CUL1: variants seen among roughly 807,000 people sequenced by gnomAD.
CUL1 encodes the protein cullin 1, also known as cullin-1.
In CUL1, 24 loss-of-function variants were observed where a neutral mutation model predicts 118.0. That is an observed-to-expected ratio of 0.20 (90% confidence interval 0.15 to 0.29). The LOEUF (loss-of-function observed/expected upper bound fraction) is 0.29. CUL1 is among the 10% of genes least tolerant of loss of function. The pLI, the probability that CUL1 is intolerant of heterozygous loss-of-function variation, is 1.00. For missense variants in CUL1, 361 were observed against 933.8 expected (o/e 0.39, Z 7.99); for synonymous variants, 332 against 340.4 (o/e 0.98, Z 0.27).
chr7:148,712,847 T>C (rs1406533737), intron 1 of CUL1, among the ~76,000 whole-genome samples: 2 of 152,204 alleles, frequency 1.3e-5, no homozygotes, highest in East Asian at 3.8e-4. Context: ...CATTTCCATA[T>C]TAGCTGTTTG....
Position 148,800,889 on chromosome 7 carries a change from TGTC to T in CUL1, c.*311_*313del. 4.1e-6 allele frequency: 1 copy of T among 241,392 alleles called. No individual in the cohort carries two copies. Among genetic ancestry groups the T allele is most frequent in the Non-Finnish European group, 8.0e-6 (1 of 125,002 alleles). 15.0% of individuals were successfully genotyped at this position (241,392 alleles called of 1,614,324 possible). On this transcript the variant is annotated 3_prime_UTR_variant, in exon 22 of 22. Transcript: ENST00000325222. This position sits in a 1 kb window ranked among gnomAD's most constrained non-coding sequence, Gnocchi z 4.6. ...ATACATGGGCTCCCCGATTCGCAGC[TGTC>T]GTCTTGGCAGCACTTGTCACGTTGG...
intron 17 of CUL1, among the ~76,000 whole-genome samples, chr7:148,793,288 AT>A (rs1434977617): frequency 6.6e-6 from 1 of 152,156 alleles, no homozygotes; most frequent in African/African-American, 2.4e-5. Flanking sequence ...TGCTAGCCAT[AT>A]TTTTTATTGA....
intron 2 of CUL1, among the ~76,000 whole-genome samples, chr7:148,744,402 G>A (rs932722068): frequency 1.2e-4 from 5 of 41,158 alleles, no homozygotes; most frequent in African/African-American, 5.1e-4. Flanking sequence ...TCTGCAGTGT[G>A]TGTGTGTGTG....
At chr7:148,761,956 C>T (rs1437025955) in intron 7 of CUL1, among the ~76,000 whole-genome samples, 3 of 152,180 alleles carry the variant, frequency 2.0e-5, no homozygotes, top group African/African-American at 7.2e-5. Context: ...GGTTCGAGCT[C>T]CTATGAGAAT....
intron 1 of CUL1, among the ~76,000 whole-genome samples, chr7:148,716,289 C>T (rs1314072992): frequency 6.6e-6 from 1 of 152,054 alleles, no homozygotes. Context: ...TTATATGTAA[C>T]TACTATAATT....
intron 11 of CUL1, among the ~76,000 whole-genome samples, chr7:148,785,810 G>GAGGCACTAAGTT (rs1208092798): frequency 6.6e-6 from 1 of 152,114 alleles, no homozygotes; most frequent in Non-Finnish European, 1.5e-5. Flanking sequence ...TGGAGTCAGG[G>GAGGCACTAAGTT]AGGCACTAAG....
At chr7:148,716,894 G>A (rs1798231564) in intron 1 of CUL1, among the ~76,000 whole-genome samples, 1 of 152,140 alleles carries the variant, frequency 6.6e-6, no homozygotes, top group South Asian at 2.1e-4. Context: ...CGTGGCTTTG[G>A]CTGCACATTT....
chr7:148,763,331 C>T (rs538120096), intron 7 of CUL1, among the ~76,000 whole-genome samples: 14 of 152,056 alleles, frequency 9.2e-5, no homozygotes, highest in East Asian at 7.7e-4. Context: ...AGGTTTGGCC[C>T]GGATCCACTT....
chr7:148,757,236 G>C, intron 4 of CUL1, 86 bp downstream of exon 4: 1 of 794,790 alleles, frequency 1.3e-6, no homozygotes, highest in Non-Finnish European at 1.8e-6. Flanking sequence ...AGAGAATCTA[G>C]GCAAATATTA....
intron 1 of CUL1, among the ~76,000 whole-genome samples, chr7:148,725,987 A>G (rs944142165): frequency 2.8e-4 from 43 of 152,196 alleles, no homozygotes; most frequent in African/African-American, 8.9e-4. Context: ...GGAATAGAAG[A>G]TTTTGCTAAT....
At position 148,709,161 on chromosome 7, in the gene CUL1, T is replaced by A. The variant is rs183044854; in HGVS notation, c.-162+10132T>A. 9.8e-5 allele frequency among the ~76,000 whole-genome samples: 15 copies of A among 152,316 alleles called. No individual in the cohort carries two copies. The East Asian group carries it at 2.9e-3, about 29-fold the overall frequency. ...TGGCGGCAGTGAATGAAACTACAGT[T>A]TCACATTAAAAAGAGTACTTTCCCC... On this transcript the variant is annotated intron_variant, in intron 1 of 21. Transcript: ENST00000325222.
chr7:148,723,530 C>T (rs1798462134), intron 1 of CUL1, among the ~76,000 whole-genome samples: 1 of 152,088 alleles, frequency 6.6e-6, no homozygotes, highest in Non-Finnish European at 1.5e-5. Flanking sequence ...AGGTGTTTAT[C>T]AATCACTCAA....
At chr7:148,740,820 A>G (rs1458234567) in intron 2 of CUL1, among the ~76,000 whole-genome samples, 2 of 152,208 alleles carry the variant, frequency 1.3e-5, no homozygotes, top group South Asian at 2.1e-4. Flanking sequence ...ACACAGAGGA[A>G]AGGCCATGTG....
chr7:148,726,481 T>C (rs1166023909), intron 1 of CUL1, among the ~76,000 whole-genome samples: 3 of 152,212 alleles, frequency 2.0e-5, no homozygotes, highest in Non-Finnish European at 4.4e-5. Context: ...TTTAAAGCTA[T>C]CGGCTCTTTT....
intron 9 of CUL1, among the ~76,000 whole-genome samples, chr7:148,778,023 A>ACTGCACTC (rs977498555): frequency 5.9e-5 from 8 of 136,722 alleles, no homozygotes; most frequent in African/African-American, 1.1e-4. Flanking sequence ...AGATCATGCC[A>ACTGCACTC]CTGCACTCCT....
chr7:148,725,219 G>GCGCGCGCACACACA lies in CUL1; in HGVS notation c.-161-4742_-161-4741insGCGCGCACACACAC. 3.2e-3 allele frequency among the ~76,000 whole-genome samples: 452 copies of GCGCGCGCACACACA among 140,142 alleles called. 1 individual carries two copies. Among genetic ancestry groups the GCGCGCGCACACACA allele is most frequent in the Admixed American group, 5.4e-3 (77 of 14,188 alleles). The allele number at this position is 140,142 out of a possible 152,430, so 91.9% of individuals were successfully genotyped here. A position where few individuals can be genotyped will look rare whatever the true frequency, so the allele number is the denominator to read the frequency against. On this transcript the variant is annotated intron_variant, in intron 1 of 21. Transcript: ENST00000325222. ...CGTGTACACACACACACACGCGCGC[G>GCGCGCGCACACACA]CTCACACACACACACACACACACAC...
chr7:148,775,596 C>T (rs764048131), intron 9 of CUL1, among the ~76,000 whole-genome samples: 3 of 152,022 alleles, frequency 2.0e-5, no homozygotes, highest in African/African-American at 4.8e-5. Context: ...AAAGGAAGCA[C>T]GGTTTTGTAC....
At chr7:148,744,970 C>A (rs1226161595) in intron 2 of CUL1, among the ~76,000 whole-genome samples, 1 of 152,004 alleles carries the variant, frequency 6.6e-6, no homozygotes, top group Non-Finnish European at 1.5e-5. Flanking sequence ...TGAGAAGTTA[C>A]TGGTCATGTG....
intron 9 of CUL1, among the ~76,000 whole-genome samples, chr7:148,773,355 TCCTG>T (rs1400731587): frequency 6.6e-6 from 1 of 152,132 alleles, no homozygotes; most frequent in East Asian, 1.9e-4. Context: ...CTTGTCTTAG[TCCTG>T]CTTTTAAGGC....
Sources: allele counts gnomAD v4.1 joint callset (sites outside exome capture counted in the v4.1 genomes callset), GRCh38; gene constraint gnomAD v4.1.1; non-coding constraint Gnocchi (gnomAD v3.1); transcripts MANE v1.5; gene names NCBI Gene and HGNC (gene_info 2026-07-23, HGNC 2026-07-21).